SLC5A8: variants seen among roughly 807,000 people sequenced by gnomAD.
SLC5A8 encodes the protein sodium-coupled monocarboxylate transporter 1.
A neutral mutation model predicts 71.9 loss-of-function variants in SLC5A8; 55 were observed. The observed-to-expected ratio is 0.77, with a 90% confidence interval of 0.62 to 0.96. The LOEUF (loss-of-function observed/expected upper bound fraction) is 0.96, where lower values mean the gene tolerates loss of function less well. Among genes scored for constraint, SLC5A8 ranks in the 40% least tolerant of loss-of-function variants. SLC5A8 has a pLI of 0.00. For missense variants in SLC5A8, 701 were observed against 745.3 expected (o/e 0.94, Z 0.69); for synonymous variants, 307 against 276.1 (o/e 1.11, Z -1.11).
At chr12:101,158,205 T>TTAAA in intron 14 of SLC5A8, 44 bp downstream of exon 14, 1 of 1,351,738 alleles carries the variant, frequency 7.4e-7, no homozygotes, top group South Asian at 1.2e-5. Context: ...ATCCAGGTAA[T>TTAAA]AAAGCCCAGT....
chr12:101,187,454 G>A lies in SLC5A8; in HGVS notation c.895C>T (p.Leu299Phe). 6.2e-7 allele frequency: 1 copy of A among 1,613,888 alleles called. No homozygotes were observed. Among genetic ancestry groups the A allele is most frequent in the Non-Finnish European group, 8.5e-7 (1 of 1,179,914 alleles). Residue 299 changes from leucine (L) to phenylalanine (F), a missense_variant, in exon 7 of 15, where the codon CTC (leucine) becomes TTC (phenylalanine). Leu to Phe is a conservative substitution (Grantham distance 22). Transcript: ENST00000536262. Reference protein sequence around the residue: ...AILTCSVFCGLALYSRYHDCD... With the variant: ...AILTCSVFCGFALYSRYHDCD... ...TCATGGTACCTGGAATATAGGGCGA[G>A]CCCACAAAACACTGAGCATGTGAGG... is the stretch of plus-strand genomic sequence containing the variant.
chr12:101,187,628 A>G, intron 6 of SLC5A8, 113 bp from the exon 7 acceptor site: 2 of 1,138,320 alleles, frequency 1.8e-6, no homozygotes, highest in Non-Finnish European at 2.4e-6. Context: ...ATAAATGTAC[A>G]TTATCTTTTG....
At chr12:101,172,427 T>C (rs2051838617) in intron 10 of SLC5A8, among the ~76,000 whole-genome samples, 1 of 152,070 alleles carries the variant, frequency 6.6e-6, no homozygotes, top group African/African-American at 2.4e-5. Context: ...AAGGAGAGTT[T>C]GCAGGAATTC....
At chr12:101,181,037 A>AAATC (rs1173735291) in intron 9 of SLC5A8, among the ~76,000 whole-genome samples, 1 of 152,222 alleles carries the variant, frequency 6.6e-6, no homozygotes, top group Non-Finnish European at 1.5e-5. Context: ...AAGTCACCTG[A>AAATC]AATCAGTTGA....
intron 10 of SLC5A8, 27 bp downstream of exon 10, chr12:101,180,002 C>G (rs751376403): frequency 3.2e-5 from 52 of 1,613,418 alleles, no homozygotes; most frequent in Middle Eastern, 1.6e-4. Context: ...TGATTTATGA[C>G]TTAAACCTCC....
chr12:101,159,735 G>C (rs541384039), intron 13 of SLC5A8, among the ~76,000 whole-genome samples: 1 of 151,854 alleles, frequency 6.6e-6, no homozygotes, highest in African/African-American at 2.4e-5. Context: ...GCATTTAAAA[G>C]AAAAAAAGGA....
intron 12 of SLC5A8, among the ~76,000 whole-genome samples, chr12:101,164,243 T>C (rs1709195): frequency 0.73 from 110,426 of 152,050 alleles, 41,167 homozygotes; most frequent in African/African-American, 0.9. Context: ...GTCATGAACT[T>C]CTATGTAAGT....
chr12:101,158,757 A>T (rs1003564541), intron 13 of SLC5A8, among the ~76,000 whole-genome samples: 2 of 150,574 alleles, frequency 1.3e-5, no homozygotes, highest in Non-Finnish European at 3.0e-5. Flanking sequence ...AGCACCCTCC[A>T]TGCCATCAGT....
Position 101,207,724 on chromosome 12 carries a change from G to A in SLC5A8, c.351+1774C>T, listed in dbSNP as rs574995749. Among the ~76,000 whole-genome samples, 51 of 152,216 alleles carry A rather than the reference G, an allele frequency of 3.4e-4. No homozygotes were observed. The South Asian group carries it at 6.0e-3, about 18-fold the overall frequency. ...CTCAGATGCCTCCAGGTTCCATCAG[G>A]TAACATACATAAGTGACAGTGGCCA... On this transcript the variant is annotated intron_variant, in intron 1 of 14. Transcript: ENST00000536262.
chr12:101,171,925 C>G (rs918370350), intron 10 of SLC5A8, among the ~76,000 whole-genome samples: 1 of 152,150 alleles, frequency 6.6e-6, no homozygotes, highest in African/African-American at 2.4e-5. Context: ...ATTACATGAG[C>G]AGGTGAAAGG....
chr12:101,193,227 C>T (rs921619526), intron 5 of SLC5A8, among the ~76,000 whole-genome samples: 1 of 152,164 alleles, frequency 6.6e-6, no homozygotes, highest in Non-Finnish European at 1.5e-5. Flanking sequence ...CCCACCTTGG[C>T]CTCCCAAAGT....
chr12:101,191,881 T>A (rs1017166620), intron 5 of SLC5A8, among the ~76,000 whole-genome samples: 10 of 152,358 alleles, frequency 6.6e-5, no homozygotes, highest in South Asian at 2.1e-4. Flanking sequence ...AATCTTTTTT[T>A]AAAAATCTCT....
Position 101,184,180 on chromosome 12 carries a change from C to A in SLC5A8, c.1006G>T (p.Gly336Ter). ...LVLDILQDYP[G>*]LPGLFVACAY... ...CAGGCCACAAAAAGTCCAGGAAGTCCTGGATAATCTTGCAGAATGTCCAGT... is the reference window on the plus strand; with the variant it reads ...CAGGCCACAAAAAGTCCAGGAAGTCATGGATAATCTTGCAGAATGTCCAGT... The change falls in exon 8 of 15, where the codon GGA becomes TGA. Residue 336 changes from glycine to a stop codon, truncating the protein, a stop_gained. Transcript: ENST00000536262. LOFTEE classifies it high-confidence loss of function. 6.2e-7 allele frequency: 1 copy of A among 1,614,182 alleles called. No homozygotes were observed. Among genetic ancestry groups the A allele is most frequent in the Non-Finnish European group, 8.5e-7 (1 of 1,180,018 alleles).
chr12:101,162,498 C>T (rs375300062), intron 12 of SLC5A8, among the ~76,000 whole-genome samples: 2 of 152,302 alleles, frequency 1.3e-5, no homozygotes, highest in African/African-American at 2.4e-5. Context: ...AACCTAGGTG[C>T]CCATCAATGG....
At chr12:101,198,360 A>G (rs184292436) in intron 3 of SLC5A8, among the ~76,000 whole-genome samples, 35 of 152,068 alleles carry the variant, frequency 2.3e-4, no homozygotes, top group Admixed American at 2.2e-3. Flanking sequence ...ACTGATTCTT[A>G]GAAGAGATTT....
chr12:101,178,822 T>TA (rs3084371), intron 10 of SLC5A8, among the ~76,000 whole-genome samples: 1,878 of 146,978 alleles, frequency 0.013, 18 homozygotes, highest in South Asian at 0.032. Flanking sequence ...TTATCCAAAC[T>TA]AAAAAAAAAA....
intron 1 of SLC5A8, among the ~76,000 whole-genome samples, chr12:101,208,920 C>T (rs539818936): frequency 2.0e-5 from 3 of 152,274 alleles, no homozygotes; most frequent in Non-Finnish European, 4.4e-5. Context: ...GTAAGTCACC[C>T]AAGGTCACCC....
chr12:101,176,324 T>C (rs1346696900), intron 10 of SLC5A8, among the ~76,000 whole-genome samples: 2 of 151,918 alleles, frequency 1.3e-5, no homozygotes, highest in African/African-American at 4.8e-5. Flanking sequence ...CAAAAACTGA[T>C]AGAACTAAAA....
intron 10 of SLC5A8, among the ~76,000 whole-genome samples, chr12:101,178,822 T>TAA (rs3084371): frequency 0.26 from 38,526 of 146,832 alleles, 5,332 homozygotes; most frequent in East Asian, 0.52. Flanking sequence ...TTATCCAAAC[T>TAA]AAAAAAAAAA....
Sources: allele counts gnomAD v4.1 joint callset (sites outside exome capture counted in the v4.1 genomes callset), GRCh38; gene constraint gnomAD v4.1.1; transcripts MANE v1.5; gene names NCBI Gene and HGNC (gene_info 2026-07-23, HGNC 2026-07-21).